The following EIF5 variants were observed in gnomAD, a reference collection of about 807,000 sequenced individuals.
The protein encoded by EIF5 is eukaryotic translation initiation factor 5.
EIF5 carries 10 observed loss-of-function variants against 48.3 expected under a neutral mutation model. The observed-to-expected ratio is 0.21, with a 90% CI of 0.13 to 0.35. The LOEUF (loss-of-function observed/expected upper bound fraction) is 0.35, where lower values mean the gene tolerates loss of function less well. Ranked by LOEUF, EIF5 falls within the 10% of genes least tolerant of loss-of-function variation. The pLI, the probability that EIF5 is intolerant of heterozygous loss-of-function variation, is 1.00. For missense variants in EIF5, 397 were observed against 533.2 expected (o/e 0.74, Z 2.51); for synonymous variants, 237 against 173.1 (o/e 1.37, Z -2.90).
intron 8 of EIF5, 52 bp downstream of exon 8, chr14:103,338,945 C>T (rs1282468485): frequency 3.2e-6 from 5 of 1,587,222 alleles, no homozygotes; most frequent in East Asian, 2.2e-5. Flanking sequence ...CTTGTTTGTG[C>T]CTTTAGATAT....
intron 9 of EIF5, 53 bp downstream of exon 9, chr14:103,339,386 A>C (rs2089326790): frequency 6.5e-7 from 1 of 1,548,572 alleles, no homozygotes; most frequent in Non-Finnish European, 8.7e-7. Flanking sequence ...GTGGCTTTCG[A>C]GATGGTCATA....
chr14:103,338,166 T>G (rs933660286), intron 6 of EIF5, 161 bp from the exon 7 acceptor site: 78 of 963,676 alleles, frequency 8.1e-5, no homozygotes, highest in South Asian at 1.6e-5. Context: ...AAATACATGA[T>G]GAATTTGATC....
chr14:103,336,022 C>G lies in EIF5; in HGVS notation c.73-14C>G. The stretch of plus-strand genomic sequence containing the variant: ...CAGGGGAAACTGCACAACTAAAATT[C>G]TTATTTCCTTTAGGTTGAGGGCAAA... On this transcript the variant is annotated splice_polypyrimidine_tract_variant and intron_variant, in intron 3 of 11. Transcript: ENST00000216554. 6.2e-7 allele frequency: 1 copy of G among 1,614,072 alleles called. No homozygotes were observed. The highest frequency in any genetic ancestry group is 8.5e-7 in the Non-Finnish European group (1 of 1,179,988).
chr14:103,338,532 G>T lies in EIF5; in HGVS notation c.585+60G>T, dbSNP rs955029752. 4 of 1,520,680 alleles carry T rather than the reference G, an allele frequency of 2.6e-6. No individual in the cohort carries two copies. The African/African-American group carries it at 5.6e-5, about 21-fold the overall frequency. 94.2% of individuals were successfully genotyped at this position (1,520,680 alleles called of 1,614,324 possible). Reference sequence around the variant, plus strand: ...AGTTGTGTAAAGTATATGGCATTTGGTTGAGGTGGGTGGAAATGTTGAAAC... The same window carrying T: ...AGTTGTGTAAAGTATATGGCATTTGTTTGAGGTGGGTGGAAATGTTGAAAC... On this transcript the variant is annotated intron_variant, in intron 7 of 11. Coordinates refer to ENST00000216554, the MANE Select transcript of EIF5 (RefSeq NM_001969.5).
In EIF5 at chr14:103,335,780, C is replaced by T. The variant is rs1165569758; in HGVS notation, c.-81C>T. ...ACTCTTGCAGTCGTTTATGTCATCC[C>T]TTCTTCTCCAGACAGAAGATACCAA... On this transcript the variant is annotated 5_prime_UTR_variant, in exon 3 of 12. Transcript: ENST00000216554. 9.3e-6 allele frequency: 14 copies of T among 1,507,140 alleles called. No homozygotes were observed. Among genetic ancestry groups the T allele is most frequent in the African/African-American group, 1.4e-5 (1 of 72,570 alleles). The allele number at this position is 1,507,140 out of a possible 1,614,324, so 93.4% of individuals were successfully genotyped here.
At chr14:103,340,223 G>C (rs1288883903) in intron 10 of EIF5, among the ~76,000 whole-genome samples, 1 of 152,218 alleles carries the variant, frequency 6.6e-6, no homozygotes, top group Non-Finnish European at 1.5e-5. Context: ...TTCAGTGCCT[G>C]TGCTGTAGAT....
intron 4 of EIF5, 180 bp from the exon 5 acceptor site, chr14:103,336,497 C>T (rs543713463): frequency 1.5e-6 from 1 of 648,684 alleles, no homozygotes; most frequent in East Asian, 2.9e-5. Context: ...GGGAGAATCG[C>T]TTGAACCCCG....
At chr14:103,340,842 TTCC>T (rs2089345016) in intron 11 of EIF5, 118 bp from the exon 12 acceptor site, 6 of 1,043,920 alleles carry the variant, frequency 5.7e-6, no homozygotes, top group Non-Finnish European at 8.6e-6. Flanking sequence ...AACAGAGCTG[TTCC>T]GTGAAGAAGA....
At chr14:103,336,238 C>G (rs1002889043) in intron 4 of EIF5, 121 bp downstream of exon 4, 1 of 1,054,658 alleles carries the variant, frequency 9.5e-7, no homozygotes, top group Non-Finnish European at 1.4e-6. Context: ...AGTGAGGAAC[C>G]GTGGTTTATT....
chr14:103,335,193 A>C (rs575592161), intron 2 of EIF5: 1 of 152,298 alleles, frequency 6.6e-6, no homozygotes, highest in Non-Finnish European at 1.5e-5. Flanking sequence ...GAAGTAAGCC[A>C]TGGTTGCCGA....
chr14:103,343,400 A>G lies in EIF5; in HGVS notation c.*2348A>G, dbSNP rs1039176323. 3 of 152,212 alleles carry G rather than the reference A, an allele frequency of 2.0e-5. No individual in the cohort carries two copies. Among genetic ancestry groups the G allele is most frequent in the African/African-American group, 4.8e-5 (2 of 41,446 alleles). The allele number at this position is 152,212 out of a possible 1,614,324, so 9.4% of individuals were successfully genotyped here. On this transcript the variant is annotated 3_prime_UTR_variant, in exon 12 of 12. Coordinates refer to ENST00000216554, the MANE Select transcript of EIF5 (RefSeq NM_001969.5). ...ATCTGCCTCAGTTTTATTACTTGAA[A>G]TCTTGGCAGGTGCTTAATAGGGAAC...
intron 4 of EIF5, 102 bp from the exon 5 acceptor site, chr14:103,336,572 CTCT>C (rs1176631417): frequency 2.2e-5 from 27 of 1,243,800 alleles, no homozygotes; most frequent in Admixed American, 8.4e-5. Flanking sequence ...CAGAGTGAGA[CTCT>C]TGTCTCAAAA....
rs548001106 is a variant in EIF5 at position 103,338,419 on chromosome 14, ACACCAC to A, written c.550_555del (p.Pro184_Pro185del). 5.2e-5 allele frequency: 84 copies of A among 1,600,554 alleles called. No homozygotes were observed. The highest frequency in any genetic ancestry group is 9.1e-5 in the East Asian group (4 of 43,892). On this transcript the variant is annotated inframe_deletion, in exon 7 of 12. Coordinates refer to ENST00000216554, the MANE Select transcript of EIF5 (RefSeq NM_001969.5). ...AAATGGCTCCGTATCCAGCAGTGAG[ACACCAC>A]CACCACCACCACCACCAAATGAAAT...
chr14:103,341,199 G>GTTA lies in EIF5; in HGVS notation c.*151_*153dup. 1 of 680,062 alleles carries GTTA rather than the reference G, an allele frequency of 1.5e-6. No individual in the cohort carries two copies. The highest frequency in any genetic ancestry group is 2.8e-5 in the East Asian group (1 of 36,240). 42.1% of individuals were successfully genotyped at this position (680,062 alleles called of 1,614,324 possible). A position where few individuals can be genotyped will look rare whatever the true frequency, so the allele number is the denominator to read the frequency against. ...AAAAATCTATTACTGTGAGTGGTCT[G>GTTA]TTATTAAGCCCAATGAGACATCTAG... On this transcript the variant is annotated 3_prime_UTR_variant, in exon 12 of 12. Transcript: ENST00000216554.
rs2089355697 is a variant in EIF5 at position 103,341,793 on chromosome 14, A to T, written c.*741A>T. The T allele has an allele frequency of 6.6e-6, 1 of 152,626 alleles. No homozygotes were observed. Among genetic ancestry groups the T allele is most frequent in the Non-Finnish European group, 1.5e-5 (1 of 68,048 alleles). 9.5% of individuals were successfully genotyped at this position (152,626 alleles called of 1,614,324 possible). A position where few individuals can be genotyped will look rare whatever the true frequency, so the allele number is the denominator to read the frequency against. On this transcript the variant is annotated 3_prime_UTR_variant, in exon 12 of 12. Transcript: ENST00000216554. ...CGTTGGATGAGCCAGGGAAATTATT[A>T]CATTAACAAGCATTTTGTGTGTACG...
At chr14:103,337,513 C>T (rs1445152063) in intron 6 of EIF5, 12 of 380,360 alleles carry the variant, frequency 3.2e-5, no homozygotes, top group African/African-American at 1.7e-4. Flanking sequence ...GAGGCATGAG[C>T]GTCGCTTGAA....
chr14:103,336,146 G>A (rs1331658791), intron 4 of EIF5, 29 bp downstream of exon 4: 1 of 1,604,132 alleles, frequency 6.2e-7, no homozygotes, highest in African/African-American at 1.3e-5. Context: ...AGTCCACAGG[G>A]CATATTATGG....
At position 103,344,160 on chromosome 14, in the gene EIF5, C is replaced by G. The variant is rs1274093571; in HGVS notation, c.*3108C>G. On this transcript the variant is annotated 3_prime_UTR_variant, in exon 12 of 12. Transcript: ENST00000216554. ...AAGTGGGGTGACAGCAAATGACTTG[C>G]AGGTAGTCTCATTGTAGGTTTGTGC... 2 of 152,212 alleles carry G rather than the reference C, an allele frequency of 1.3e-5. No individual in the cohort carries two copies. The highest frequency in any genetic ancestry group is 2.4e-5 in the African/African-American group (1 of 41,440). 9.4% of individuals were successfully genotyped at this position (152,212 alleles called of 1,614,324 possible).
In EIF5 at chr14:103,340,468, T is replaced by C. The variant is rs772390386; in HGVS notation, c.1113T>C (p.Ile371=). 16 of 1,609,298 alleles carry C rather than the reference T, an allele frequency of 9.9e-6. No individual in the cohort carries two copies. The highest frequency in any genetic ancestry group is 3.3e-5 in the South Asian group (3 of 90,988). The change falls in exon 11 of 12, where the codon ATT becomes ATC. Residue 371 remains isoleucine, a synonymous_variant. Transcript: ENST00000216554. The part of the protein sequence containing the change: ...KYVSKELAKE[I]RVKAEPFIKW... ...TCTCCAAAGAACTTGCCAAAGAGAT[T>C]CGTGTCAAAGCAGAACCATTTATAA...
Sources: gnomAD v4.1 joint callset for allele counts (sites outside exome capture counted in the v4.1 genomes callset) on GRCh38, gnomAD v4.1.1 for gene constraint, MANE v1.5 for transcripts, NCBI Gene and HGNC (gene_info 2026-07-23, HGNC 2026-07-21) for gene names.